The following RAB27A variants were observed in gnomAD, a reference collection of about 807,000 sequenced individuals.
RAB27A encodes the protein RAB27A, member RAS oncogene family.
In RAB27A, 17 loss-of-function variants were observed where a neutral mutation model predicts 20.8. The ratio of observed to expected loss-of-function variants is 0.82; its 90% CI spans 0.56 to 1.23. The LOEUF (loss-of-function observed/expected upper bound fraction) is 1.23. RAB27A is among the 50% of genes most tolerant of loss of function. The pLI, the probability that RAB27A is intolerant of heterozygous loss-of-function variation, is 0.00. For missense variants in RAB27A, 277 were observed against 266.7 expected, an observed-to-expected ratio of 1.04 and a Z score of -0.27; for synonymous variants, 85 against 92.8, an observed-to-expected ratio of 0.92 and a Z score of 0.48.
chr15:55,297,891 A>T (rs1434704326), intron 2 of RAB27A, among the ~76,000 whole-genome samples: 3 of 152,188 alleles, frequency 2.0e-5, no homozygotes, highest in African/African-American at 7.2e-5. Flanking sequence ...ACAACACAGC[A>T]GGCCAGCATT....
intron 3 of RAB27A, among the ~76,000 whole-genome samples, chr15:55,232,175 G>C (rs576671916): frequency 5.9e-5 from 9 of 152,274 alleles, no homozygotes; most frequent in African/African-American, 1.9e-4. Context: ...AAAAAGCTAA[G>C]AGACTTATTA....
intron 2 of RAB27A, among the ~76,000 whole-genome samples, chr15:55,265,787 G>C (rs1897455621): frequency 1.3e-5 from 2 of 152,176 alleles, no homozygotes; most frequent in South Asian, 4.1e-4. Flanking sequence ...TTCAGCAGTG[G>C]ATGTGGCTGA....
At chr15:55,245,172 A>C (rs1388765201) in intron 2 of RAB27A, among the ~76,000 whole-genome samples, 1 of 152,202 alleles carries the variant, frequency 6.6e-6, no homozygotes, top group African/African-American at 2.4e-5. Context: ...GAACACAGCT[A>C]CTTCCACTTC....
rs1022033194 is a variant in RAB27A, at chr15:55,204,613, C to G, written c.*894G>C. ...CTGCAGCCTGAGGATGCCAGATCAACATTATAAATATGAAGAAAAAGAAAC... is the reference window on the plus strand; with the variant it reads ...CTGCAGCCTGAGGATGCCAGATCAAGATTATAAATATGAAGAAAAAGAAAC... On this transcript the variant is annotated 3_prime_UTR_variant, in exon 7 of 7. Transcript: ENST00000336787. 1 of 152,166 alleles carries G rather than the reference C, an allele frequency of 6.6e-6. No homozygotes were observed. The highest frequency in any genetic ancestry group is 2.4e-5 in the African/African-American group (1 of 41,422). The allele number at this position is 152,166 out of a possible 1,614,324, so 9.4% of individuals were successfully genotyped here.
At chr15:55,291,884 G>C (rs1234647496), upstream of RAB27A, among the ~76,000 whole-genome samples, 2 of 152,166 alleles carry the variant, frequency 1.3e-5, no homozygotes, top group East Asian at 3.9e-4. Flanking sequence ...CCAGTAGTGA[G>C]ATAAGAGCCT....
chr15:55,205,397 A>C lies in RAB27A; in HGVS notation c.*110T>G. ...ATTCGTAGGTCTAATGGGGATGGTG[A>C]GAAGCAATTTGTACACAATGCCCAT... On this transcript the variant is annotated 3_prime_UTR_variant, in exon 7 of 7. Transcript: ENST00000336787. 8.7e-7 allele frequency: 1 copy of C among 1,148,630 alleles called. No homozygotes were observed. Among genetic ancestry groups the C allele is most frequent in the South Asian group, 1.2e-5 (1 of 80,788 alleles). The allele number at this position is 1,148,630 out of a possible 1,614,324, so 71.2% of individuals were successfully genotyped here.
chr15:55,240,205 T>A (rs970789281), intron 2 of RAB27A, among the ~76,000 whole-genome samples: 5 of 152,122 alleles, frequency 3.3e-5, no homozygotes, highest in African/African-American at 1.2e-4. Flanking sequence ...ATAACGTAAA[T>A]GATTTTTGTG....
intron 2 of RAB27A, among the ~76,000 whole-genome samples, chr15:55,247,586 A>C (rs534838904): frequency 1.3e-4 from 20 of 152,258 alleles, no homozygotes; most frequent in African/African-American, 4.1e-4. Context: ...TGTTTGCTGC[A>C]ACACAGGAAA....
chr15:55,241,945 G>A (rs1341482447), intron 2 of RAB27A, among the ~76,000 whole-genome samples: 1 of 152,030 alleles, frequency 6.6e-6, no homozygotes, highest in African/African-American at 2.4e-5. Flanking sequence ...ATAGAAGAGA[G>A]TAGATTTAGT....
intron 2 of RAB27A, among the ~76,000 whole-genome samples, chr15:55,255,537 A>T (rs1897047890): frequency 6.6e-6 from 1 of 152,116 alleles, no homozygotes; most frequent in Admixed American, 6.6e-5. Context: ...TTTCTCTAAT[A>T]GCCTTTTCCT....
At chr15:55,275,249 C>G (rs926962561) in intron 1 of RAB27A, among the ~76,000 whole-genome samples, 1 of 150,068 alleles carries the variant, frequency 6.7e-6, no homozygotes, top group African/African-American at 2.5e-5. Context: ...GAGACTCCAT[C>G]TAACAACAAC....
intron 6 of RAB27A, among the ~76,000 whole-genome samples, chr15:55,214,353 A>ACT (rs1223854738): frequency 3.9e-5 from 6 of 152,234 alleles, no homozygotes; most frequent in Non-Finnish European, 1.5e-5. Flanking sequence ...GGAGGATGGC[A>ACT]TGAACCCAGG....
chr15:55,310,318 C>T (rs1293461612), intron 2 of RAB27A, among the ~76,000 whole-genome samples: 1 of 152,096 alleles, frequency 6.6e-6, no homozygotes, highest in Non-Finnish European at 1.5e-5. Context: ...CCTCCTGGCC[C>T]TCAATGGTCA....
intron 1 of RAB27A, among the ~76,000 whole-genome samples, chr15:55,279,685 T>A (rs1057014304): frequency 1.3e-5 from 2 of 152,250 alleles, no homozygotes; most frequent in East Asian, 3.8e-4. Flanking sequence ...GTGTCTCACA[T>A]ACAGCAGGTG....
At chr15:55,252,479 G>A (rs141589883) in intron 2 of RAB27A, among the ~76,000 whole-genome samples, 26 of 152,222 alleles carry the variant, frequency 1.7e-4, no homozygotes, top group Admixed American at 1.1e-3. Flanking sequence ...ACACGTGCCT[G>A]TAATCCTAGC....
rs377301086 is a variant in RAB27A at position 55,241,624 on chromosome 15, A to ATATATATATG, written c.-22-6669_-22-6668insCATATATATA. 4.0e-4 allele frequency among the ~76,000 whole-genome samples: 47 copies of ATATATATATG among 117,664 alleles called. 1 individual carries two copies. Among genetic ancestry groups the ATATATATATG allele is most frequent in the African/African-American group, 8.7e-4 (20 of 22,894 alleles). 77.2% of individuals were successfully genotyped at this position (117,664 alleles called of 152,430 possible). ...TTTATATATATATATATATATATAT[A>ATATATATATG]TGTGTGTATATATATTTGTTTTTTT... On this transcript the variant is annotated intron_variant, in intron 2 of 6. Coordinates refer to ENST00000336787, the MANE Select transcript of RAB27A (RefSeq NM_183235.3).
chr15:55,225,870 G>T (rs1895774009), intron 5 of RAB27A, among the ~76,000 whole-genome samples: 1 of 150,986 alleles, frequency 6.6e-6, no homozygotes, highest in Middle Eastern at 3.4e-3. Flanking sequence ...AGTATAAAAT[G>T]TAACAGGGGT....
intron 2 of RAB27A, among the ~76,000 whole-genome samples, chr15:55,247,710 C>T (rs546138471): frequency 2.6e-5 from 4 of 152,226 alleles, no homozygotes; most frequent in East Asian, 3.9e-4. Flanking sequence ...AGCAGCCAGA[C>T]GTGTTAAACA....
chr15:55,239,234 T>C (rs139615167), intron 2 of RAB27A, among the ~76,000 whole-genome samples: 12 of 152,338 alleles, frequency 7.9e-5, no homozygotes, highest in Admixed American at 2.0e-4. Context: ...ACTATAGTTA[T>C]CTGTAAAATT....
Sources: gnomAD v4.1 joint callset for allele counts (sites outside exome capture counted in the v4.1 genomes callset) on GRCh38, gnomAD v4.1.1 for gene constraint, MANE v1.5 for transcripts, NCBI Gene and HGNC (gene_info 2026-07-23, HGNC 2026-07-21) for gene names.